CLECL1: variants seen among roughly 807,000 people sequenced by gnomAD.
CLECL1 encodes the protein C-type lectin like 1, also known as C-type lectin-like domain family 1.
chr12:9,707,857 AGT>A, the CLECL1 span, among the ~76,000 whole-genome samples: 1 of 152,152 alleles, frequency 6.6e-6, no homozygotes, highest in East Asian at 1.9e-4. Context: ...TAGTGTTAAG[AGT>A]TTTGTTACAG....
At chr12:9,719,353 C>T (rs1300684353), downstream of CLECL1, among the ~76,000 whole-genome samples, 3 of 152,066 alleles carry the variant, frequency 2.0e-5, no homozygotes, top group Non-Finnish European at 2.9e-5. Flanking sequence ...GGAGAAACCC[C>T]GTCTCTACTA....
At chr12:9,732,868 G>T in intron 1 of CLECL1, 81 bp downstream of exon 1, 2 of 1,152,832 alleles carry the variant, frequency 1.7e-6, no homozygotes, top group Non-Finnish European at 1.2e-6. Context: ...TTTTCAGTTT[G>T]GCAATTAGAT....
chr12:9,725,575 AAGAT>A (rs1236817636), intron 3 of CLECL1, among the ~76,000 whole-genome samples: 1 of 152,120 alleles, frequency 6.6e-6, no homozygotes, highest in Non-Finnish European at 1.5e-5. Flanking sequence ...AAAGTAGAAC[AAGAT>A]AGATAAATAA....
chr12:9,719,354 G>A (rs939396181), downstream of CLECL1, among the ~76,000 whole-genome samples: 6 of 152,030 alleles, frequency 3.9e-5, no homozygotes, highest in Admixed American at 1.3e-4. Context: ...GAGAAACCCC[G>A]TCTCTACTAA....
chr12:9,720,044 C>T (rs1396477747), downstream of CLECL1, among the ~76,000 whole-genome samples: 1 of 152,156 alleles, frequency 6.6e-6, no homozygotes, highest in Admixed American at 6.5e-5. Flanking sequence ...TGGCTGTTCT[C>T]ACTATGACTC....
the CLECL1 span, among the ~76,000 whole-genome samples, chr12:9,702,815 A>C: frequency 1.3e-5 from 2 of 152,348 alleles, no homozygotes; most frequent in African/African-American, 4.8e-5. Flanking sequence ...GTAACTCTGA[A>C]AACTGGGTCT....
the CLECL1 span, among the ~76,000 whole-genome samples, chr12:9,705,944 A>C: frequency 6.6e-6 from 1 of 152,070 alleles, no homozygotes; most frequent in Non-Finnish European, 1.5e-5. Context: ...TTTTCTATTG[A>C]ATCTGTAAGT....
At chr12:9,734,058 A>C (rs753042802), upstream of CLECL1, among the ~76,000 whole-genome samples, 1 of 152,372 alleles carries the variant, frequency 6.6e-6, no homozygotes, top group African/African-American at 2.4e-5. Flanking sequence ...AGATATGAAA[A>C]ATGGCAGGAT....
downstream of CLECL1, among the ~76,000 whole-genome samples, chr12:9,714,084 C>T (rs184031873): frequency 3.9e-3 from 589 of 152,272 alleles, 4 homozygotes; most frequent in Middle Eastern, 0.017. Flanking sequence ...GAGTCTCTTG[C>T]CAGGCAAAAA....
downstream of CLECL1, among the ~76,000 whole-genome samples, chr12:9,718,179 A>G (rs574551319): frequency 1.5e-4 from 23 of 152,202 alleles, no homozygotes; most frequent in Middle Eastern, 3.4e-3. Flanking sequence ...TACATTTTGT[A>G]TGATATTTAT....
At chr12:9,731,842 G>A (rs778338810) in intron 1 of CLECL1, among the ~76,000 whole-genome samples, 1 of 152,082 alleles carries the variant, frequency 6.6e-6, no homozygotes, top group African/African-American at 2.4e-5. Flanking sequence ...CCTGGAATGC[G>A]GAATCAAAAA....
chr12:9,734,034 G>T (rs1049508717), upstream of CLECL1, among the ~76,000 whole-genome samples: 5 of 152,224 alleles, frequency 3.3e-5, no homozygotes, highest in African/African-American at 1.2e-4. Flanking sequence ...ACCGTCATAG[G>T]ACATAGAAAT....
At chr12:9,724,802 A>C (rs1866359516) in intron 3 of CLECL1, among the ~76,000 whole-genome samples, 2 of 152,186 alleles carry the variant, frequency 1.3e-5, no homozygotes, top group African/African-American at 4.8e-5. Context: ...ATTTTTTCCA[A>C]ATTGCTTAAA....
chr12:9,731,264 C>G (rs1008610), intron 1 of CLECL1, among the ~76,000 whole-genome samples: 47,534 of 152,036 alleles, frequency 0.31, 7,844 homozygotes, highest in South Asian at 0.46. Flanking sequence ...TAATGCGATT[C>G]ATTTATTTAT....
chr12:9,703,725 C>A, the CLECL1 span, among the ~76,000 whole-genome samples: 8 of 151,156 alleles, frequency 5.3e-5, no homozygotes, highest in Non-Finnish European at 1.0e-4. Flanking sequence ...CAAAAGAACA[C>A]TTGCCCGCAT....
At chr12:9,729,096 T>C (rs1866414793) in intron 2 of CLECL1, among the ~76,000 whole-genome samples, 1 of 152,054 alleles carries the variant, frequency 6.6e-6, no homozygotes. Context: ...ATATGAAAAA[T>C]TGGACTATGT....
At chr12:9,706,850 G>T in the CLECL1 span, among the ~76,000 whole-genome samples, 4 of 152,170 alleles carry the variant, frequency 2.6e-5, no homozygotes, top group African/African-American at 9.7e-5. Context: ...TTGGTATCAG[G>T]ATGGTGCTGC....
chr12:9,719,784 T>G (rs1866286740), downstream of CLECL1, among the ~76,000 whole-genome samples: 1 of 152,234 alleles, frequency 6.6e-6, no homozygotes, highest in Non-Finnish European at 1.5e-5. Context: ...TTGTTCTTGC[T>G]GTGATTATCC....
At chr12:9,732,252 C>G (rs1037674703) in intron 1 of CLECL1, among the ~76,000 whole-genome samples, 1 of 152,108 alleles carries the variant, frequency 6.6e-6, no homozygotes, top group Non-Finnish European at 1.5e-5. Context: ...TACATAAACT[C>G]TATGCTACAA....
Sources: gnomAD v4.1 joint callset for allele counts (sites outside exome capture counted in the v4.1 genomes callset) on GRCh38, gnomAD v4.1.1 for gene constraint, MANE v1.5 for transcripts, NCBI Gene and HGNC (gene_info 2026-07-23, HGNC 2026-07-21) for gene names.